TMEM117: variants seen among roughly 807,000 people sequenced by gnomAD.
TMEM117 encodes the protein transmembrane protein 117.
TMEM117 carries 27 observed loss-of-function variants against 52.4 expected under a neutral mutation model. That is an observed-to-expected ratio of 0.51 (90% confidence interval 0.38 to 0.71). The LOEUF is 0.71. Ranked by LOEUF, TMEM117 falls within the 30% of genes least tolerant of loss-of-function variation. The pLI, the probability that TMEM117 is intolerant of heterozygous loss-of-function variation, is 0.00. For missense variants in TMEM117, 556 were observed against 630.5 expected (o/e 0.88, Z 1.26); for synonymous variants, 215 against 206.3 (o/e 1.04, Z -0.36).
chr12:44,006,361 C>T lies in TMEM117; in HGVS notation c.410+62019C>T, dbSNP rs549077620. ...TCCCTTGCTACTTGTAATTCCTTGA[C>T]AGAAGACATTGTGGTAGTGGGTACT... On this transcript the variant is annotated intron_variant, in intron 3 of 7. Transcript: ENST00000266534. 8.5e-5 allele frequency among the ~76,000 whole-genome samples: 13 copies of T among 152,284 alleles called. No individual in the cohort carries two copies. The East Asian group carries it at 1.4e-3, about 16-fold the overall frequency.
intron 3 of TMEM117, among the ~76,000 whole-genome samples, chr12:44,038,804 A>AAT (rs1946752666): frequency 6.6e-6 from 1 of 152,156 alleles, no homozygotes; most frequent in Non-Finnish European, 1.5e-5. Context: ...AAATGCTTTG[A>AAT]ATATTAATCT....
At chr12:43,974,242 G>A (rs1945636512) in intron 3 of TMEM117, among the ~76,000 whole-genome samples, 1 of 152,120 alleles carries the variant, frequency 6.6e-6, no homozygotes, top group Non-Finnish European at 1.5e-5. Flanking sequence ...CTTGGAGACT[G>A]CAGTGTCTAG....
chr12:44,395,550 G>C, the TMEM117 span, among the ~76,000 whole-genome samples: 1 of 152,202 alleles, frequency 6.6e-6, no homozygotes, highest in Non-Finnish European at 1.5e-5. Flanking sequence ...GTTTTCAAAA[G>C]TATTGTGTAC....
rs1948195209 is a variant in TMEM117, at chr12:44,119,303, G to A, written c.411-24222G>A. Among the ~76,000 whole-genome samples, 3 of 150,488 alleles carry A rather than the reference G, an allele frequency of 2.0e-5. No individual in the cohort carries two copies. The South Asian group carries it at 6.2e-4, about 31-fold the overall frequency. Reference sequence around the variant, plus strand: ...CATCATTTTTTCATGAGCTTGCAGAGGATGTTTATGTAGTGAAAAGCTGAC... The same window carrying A: ...CATCATTTTTTCATGAGCTTGCAGAAGATGTTTATGTAGTGAAAAGCTGAC... On this transcript the variant is annotated intron_variant, in intron 3 of 7. Transcript: ENST00000266534.
chr12:44,069,585 T>C (rs1947270684), intron 3 of TMEM117, among the ~76,000 whole-genome samples: 1 of 152,160 alleles, frequency 6.6e-6, no homozygotes, highest in South Asian at 2.1e-4. Context: ...TAAGGGGGCC[T>C]GACTGAGTAG....
At chr12:43,846,653 A>G (rs1943214068) in intron 2 of TMEM117, among the ~76,000 whole-genome samples, 1 of 152,200 alleles carries the variant, frequency 6.6e-6, no homozygotes, top group Admixed American at 6.5e-5. Context: ...AAACAAATAA[A>G]TGTATACTCT....
chr12:43,839,636 T>C (rs1298321032), intron 1 of TMEM117, among the ~76,000 whole-genome samples: 2 of 152,224 alleles, frequency 1.3e-5, no homozygotes, highest in East Asian at 3.8e-4. Context: ...AATTTTCTCT[T>C]TGAACTTTCT....
At chr12:43,907,533 C>A (rs375770348) in intron 2 of TMEM117, among the ~76,000 whole-genome samples, 2 of 149,882 alleles carry the variant, frequency 1.3e-5, no homozygotes, top group South Asian at 2.2e-4. Context: ...AGGCTTCAGA[C>A]GATCAAATTA....
Position 44,087,434 on chromosome 12 carries a change from GTGTATGTATGTATGTATGTATGTA to G in TMEM117, c.411-56073_411-56050del, listed in dbSNP as rs60335561. 2.0e-4 allele frequency among the ~76,000 whole-genome samples: 30 copies of G among 150,094 alleles called. No individual in the cohort carries two copies. In the East Asian group the frequency reaches 5.6e-3, roughly 28 times the overall value. On this transcript the variant is annotated intron_variant, in intron 3 of 7. Coordinates refer to ENST00000266534, the MANE Select transcript of TMEM117 (RefSeq NM_032256.3). ...TTTTTTCTTACCATTCTTTCTATGT[GTGTATGTATGTATGTATGTATGTA>G]TGTATGTATGTATGTATATTGAGAC... is the stretch of plus-strand genomic sequence containing the variant.
intron 3 of TMEM117, among the ~76,000 whole-genome samples, chr12:43,985,008 T>G (rs529839783): frequency 6.7e-6 from 1 of 149,954 alleles, no homozygotes; most frequent in South Asian, 2.1e-4. Flanking sequence ...TCTTTGAGAT[T>G]TTTTTTTGTA....
At chr12:44,335,888 A>G (rs1951335000) in intron 6 of TMEM117, among the ~76,000 whole-genome samples, 1 of 152,008 alleles carries the variant, frequency 6.6e-6, no homozygotes. Context: ...CACTAAAACT[A>G]CATACACTAC....
At chr12:43,893,747 T>C (rs1944149781) in intron 2 of TMEM117, among the ~76,000 whole-genome samples, 1 of 152,224 alleles carries the variant, frequency 6.6e-6, no homozygotes, top group Non-Finnish European at 1.5e-5. Context: ...TATCTATTAC[T>C]GCCTAAAACC....
At chr12:44,120,838 C>G (rs1948221827) in intron 3 of TMEM117, among the ~76,000 whole-genome samples, 1 of 152,116 alleles carries the variant, frequency 6.6e-6, no homozygotes, top group Non-Finnish European at 1.5e-5. Context: ...TTCCCCATCC[C>G]CTTCATCTGT....
intron 3 of TMEM117, among the ~76,000 whole-genome samples, chr12:43,977,531 G>A (rs981108280): frequency 2.0e-5 from 3 of 152,120 alleles, no homozygotes; most frequent in Non-Finnish European, 4.4e-5. Flanking sequence ...GTCTAGAGAG[G>A]TTTTAGCAAA....
At chr12:43,915,590 T>C (rs1407997905) in intron 2 of TMEM117, among the ~76,000 whole-genome samples, 2 of 152,176 alleles carry the variant, frequency 1.3e-5, no homozygotes, top group Non-Finnish European at 2.9e-5. Flanking sequence ...TTATTGCACT[T>C]AGTCCCAGGC....
chr12:44,330,378 A>C (rs1051189325), intron 6 of TMEM117, among the ~76,000 whole-genome samples: 1 of 152,050 alleles, frequency 6.6e-6, no homozygotes, highest in Non-Finnish European at 1.5e-5. Flanking sequence ...TCCAATGGAA[A>C]TACATTGTGA....
In TMEM117 at chr12:44,250,529, A is replaced by G. The variant is rs190631265; in HGVS notation, c.608+39142A>G. On this transcript the variant is annotated intron_variant, in intron 5 of 7. Transcript: ENST00000266534. The stretch of plus-strand genomic sequence containing the variant: ...ATATAAATCATTCTACTATAAAGAC[A>G]CATGCACACATATGTTTATTGCAGC... 9.5e-3 allele frequency among the ~76,000 whole-genome samples: 1,448 copies of G among 152,344 alleles called. 14 individuals are homozygous for G. Among genetic ancestry groups the G allele is most frequent in the Non-Finnish European group, 0.015 (998 of 68,034 alleles).
chr12:43,823,693 T>C, the TMEM117 span, among the ~76,000 whole-genome samples: 7 of 152,136 alleles, frequency 4.6e-5, no homozygotes, highest in East Asian at 1.4e-3. Context: ...TTTGTATTTT[T>C]AGTAGAGACG....
chr12:44,277,148 A>G (rs1950524372), intron 5 of TMEM117, among the ~76,000 whole-genome samples: 1 of 152,156 alleles, frequency 6.6e-6, no homozygotes, highest in African/African-American at 2.4e-5. Context: ...TTTTCTTTCA[A>G]TGCTAATTTT....
Sources: gnomAD v4.1 joint callset for allele counts (sites outside exome capture counted in the v4.1 genomes callset) on GRCh38, gnomAD v4.1.1 for gene constraint, MANE v1.5 for transcripts, NCBI Gene and HGNC (gene_info 2026-07-23, HGNC 2026-07-21) for gene names.